Variants in CDK6 observed in about 807,000 individuals in gnomAD.
CDK6 encodes the protein cyclin-dependent kinase 6.
In CDK6, 6 loss-of-function variants were observed where a neutral mutation model predicts 37.1. That is an observed-to-expected ratio of 0.16 (90% CI 0.09 to 0.32). The LOEUF is 0.32. Among genes scored for constraint, CDK6 ranks in the 10% least tolerant of loss-of-function variants. The pLI is 1.00. For synonymous variants in CDK6, 160 were observed against 161.3 expected (o/e 0.99, Z 0.06); for missense variants, 224 against 418.9 (o/e 0.53, Z 4.06).
At chr7:92,702,977 C>G (rs994010239) in intron 4 of CDK6, among the ~76,000 whole-genome samples, 1 of 152,202 alleles carries the variant, frequency 6.6e-6, no homozygotes, top group African/African-American at 2.4e-5. Context: ...CCCTCTCCCC[C>G]ATATTGTAAC....
intron 5 of CDK6, among the ~76,000 whole-genome samples, chr7:92,635,006 A>C (rs1796137239): frequency 6.6e-6 from 1 of 152,152 alleles, no homozygotes; most frequent in Admixed American, 6.5e-5. Flanking sequence ...CTAAAGGTTA[A>C]AAAACATGCA....
intron 2 of CDK6, among the ~76,000 whole-genome samples, chr7:92,829,202 A>G (rs1229191708): frequency 6.6e-6 from 1 of 152,160 alleles, no homozygotes; most frequent in African/African-American, 2.4e-5. Flanking sequence ...AAAGAGAGAA[A>G]ATTAGAAAAC....
intron 2 of CDK6, among the ~76,000 whole-genome samples, chr7:92,830,960 C>G (rs539831880): frequency 8.4e-4 from 128 of 152,340 alleles, no homozygotes; most frequent in African/African-American, 3.0e-3. Flanking sequence ...AAGAGACCAT[C>G]AATCTGCTGA....
At chr7:92,632,746 C>T (rs1224078366) in intron 5 of CDK6, among the ~76,000 whole-genome samples, 1 of 151,954 alleles carries the variant, frequency 6.6e-6, no homozygotes, top group African/African-American at 2.4e-5. Flanking sequence ...CCATATATAT[C>T]TACTATGTAT....
intron 5 of CDK6, among the ~76,000 whole-genome samples, chr7:92,660,625 T>C (rs1796814059): frequency 6.6e-6 from 1 of 152,096 alleles, no homozygotes; most frequent in Non-Finnish European, 1.5e-5. Flanking sequence ...GGAGACAGAT[T>C]GGCAGGTTAC....
chr7:92,758,470 C>G (rs947673565), intron 3 of CDK6, among the ~76,000 whole-genome samples: 1 of 152,126 alleles, frequency 6.6e-6, no homozygotes, highest in Non-Finnish European at 1.5e-5. Flanking sequence ...TCTGGGCTCT[C>G]TATTCTGTTC....
chr7:92,703,333 C>CT (rs1434554902), intron 4 of CDK6, among the ~76,000 whole-genome samples: 1 of 152,086 alleles, frequency 6.6e-6, no homozygotes, highest in Non-Finnish European at 1.5e-5. Context: ...GCTTAAAACT[C>CT]ATTAGACACA....
chr7:92,634,035 A>G (rs1796115106), intron 5 of CDK6, among the ~76,000 whole-genome samples: 1 of 152,136 alleles, frequency 6.6e-6, no homozygotes, highest in South Asian at 2.1e-4. Flanking sequence ...TGATGAACAA[A>G]AGTTTTCAAT....
chr7:92,673,507 T>C (rs1456788356), intron 4 of CDK6, among the ~76,000 whole-genome samples: 2 of 152,202 alleles, frequency 1.3e-5, no homozygotes, highest in Non-Finnish European at 2.9e-5. Flanking sequence ...ACAATGTTAC[T>C]CAAGTTACCA....
intron 5 of CDK6, among the ~76,000 whole-genome samples, chr7:92,666,302 G>A (rs1796955160): frequency 6.6e-6 from 1 of 152,170 alleles, no homozygotes; most frequent in South Asian, 2.1e-4. Flanking sequence ...AACTAATTGT[G>A]CAGGCAATGG....
intron 4 of CDK6, among the ~76,000 whole-genome samples, chr7:92,695,757 G>A (rs1239153927): frequency 2.0e-5 from 3 of 152,238 alleles, no homozygotes; most frequent in Non-Finnish European, 4.4e-5. Context: ...AATCCCCTGG[G>A]TGGGGAAGGC....
intron 2 of CDK6, among the ~76,000 whole-genome samples, chr7:92,791,941 A>C (rs1749185851): frequency 6.6e-6 from 1 of 152,184 alleles, no homozygotes; most frequent in Non-Finnish European, 1.5e-5. Context: ...TTAGTAATCC[A>C]GGCTAAGAAG....
intron 5 of CDK6, 70 bp from the exon 6 acceptor site, chr7:92,623,156 T>A: frequency 9.3e-7 from 1 of 1,080,474 alleles, no homozygotes. Context: ...TTTGCCATTA[T>A]CATTGTTTCA....
intron 5 of CDK6, among the ~76,000 whole-genome samples, chr7:92,651,612 GA>G (rs1385039406): frequency 4.6e-5 from 7 of 152,206 alleles, no homozygotes; most frequent in African/African-American, 1.4e-4. Flanking sequence ...AATTGCTCTA[GA>G]CCAGCATTTG....
chr7:92,716,745 C>T lies in CDK6; in HGVS notation c.537+8881G>A, dbSNP rs565592758. 1.5e-3 allele frequency among the ~76,000 whole-genome samples: 222 copies of T among 152,162 alleles called. 1 individual carries two copies. The highest frequency in any genetic ancestry group is 4.9e-3 in the African/African-American group (202 of 41,486). On this transcript the variant is annotated intron_variant, in intron 4 of 7. Coordinates refer to ENST00000424848, the MANE Select transcript of CDK6 (RefSeq NM_001145306.2). ...TTGCTTTATATTCAATTCCAAGGAC[C>T]ATGTCTCATACTCCTATGAGTATGA... is the stretch of plus-strand genomic sequence containing the variant.
rs1801656857 is a variant in CDK6 at position 92,835,899 on chromosome 7, T to C, written c.-368+579A>G. On this transcript the variant is annotated intron_variant, in intron 1 of 7. Transcript: ENST00000424848. The surrounding 1 kb of genome is among the most constrained non-coding windows in gnomAD (Gnocchi z 4.2). ...GTGCGTCTTCGCGGGGCTCCAAGCC[T>C]GGGCACTGGCCGGCTGCGTGCACTT... Among the ~76,000 whole-genome samples the C allele has an allele frequency of 6.6e-6, 1 of 152,238 alleles. No homozygotes were observed. Among genetic ancestry groups the C allele is most frequent in the African/African-American group, 2.4e-5 (1 of 41,464 alleles).
At chr7:92,778,924 C>CATATATATATAT (rs145888983) in intron 2 of CDK6, among the ~76,000 whole-genome samples, 8 of 109,042 alleles carry the variant, frequency 7.3e-5, no homozygotes, top group African/African-American at 1.8e-4. Flanking sequence ...TATAGTTTAT[C>CATATATATATAT]ATATATATAT....
At chr7:92,734,027 T>A (rs935257845) in intron 3 of CDK6, among the ~76,000 whole-genome samples, 1 of 152,228 alleles carries the variant, frequency 6.6e-6, no homozygotes, top group African/African-American at 2.4e-5. Flanking sequence ...GTTATGATTA[T>A]GAACTGACTT....
intron 4 of CDK6, among the ~76,000 whole-genome samples, chr7:92,678,262 T>C (rs1362266191): frequency 6.6e-6 from 1 of 152,234 alleles, no homozygotes; most frequent in African/African-American, 2.4e-5. Flanking sequence ...CAAAAGTCGC[T>C]ACTAATGGTA....
Sources: allele counts gnomAD v4.1 joint callset (sites outside exome capture counted in the v4.1 genomes callset), GRCh38; gene constraint gnomAD v4.1.1; non-coding constraint Gnocchi (gnomAD v3.1); transcripts MANE v1.5; gene names NCBI Gene and HGNC (gene_info 2026-07-23, HGNC 2026-07-21).